Variants in PDE10A observed in about 807,000 individuals in gnomAD.
The protein encoded by PDE10A is cAMP and cAMP-inhibited cGMP 3',5'-cyclic phosphodiesterase 10A.
Under a neutral mutation model 97.7 loss-of-function variants are expected in PDE10A, and 39 were observed. That is an observed-to-expected ratio of 0.40 (90% CI 0.31 to 0.52). The LOEUF (loss-of-function observed/expected upper bound fraction) is 0.52. Ranked by LOEUF, PDE10A falls within the 20% of genes least tolerant of loss-of-function variation. PDE10A has a pLI of 0.56. For missense variants in PDE10A, 731 were observed against 1,047.8 expected (o/e 0.70, Z 4.17); for synonymous variants, 371 against 376.8 (o/e 0.98, Z 0.18).
intron 2 of PDE10A, among the ~76,000 whole-genome samples, chr6:165,493,522 G>A (rs976040670): frequency 4.6e-5 from 7 of 152,166 alleles, no homozygotes; most frequent in African/African-American, 1.7e-4. Context: ...AGAGAACCAA[G>A]AAATAAGGCG....
chr6:165,899,702 G>A (rs2500478), intron 1 of PDE10A, among the ~76,000 whole-genome samples: 116,386 of 152,148 alleles, frequency 0.76, 44,735 homozygotes, highest in East Asian at 0.97. Context: ...CCCGTGACCC[G>A]AAGCTGTGTG....
intron 18 of PDE10A, among the ~76,000 whole-genome samples, chr6:165,355,815 T>A (rs1383890536): frequency 6.6e-6 from 1 of 152,174 alleles, no homozygotes; most frequent in Non-Finnish European, 1.5e-5. Flanking sequence ...CTAAAGCAGC[T>A]GTACAAATTC....
chr6:165,808,064 C>T (rs764716048), intron 1 of PDE10A, among the ~76,000 whole-genome samples: 7 of 152,146 alleles, frequency 4.6e-5, no homozygotes, highest in South Asian at 2.1e-4. Flanking sequence ...CGAATTTCTA[C>T]GGCCTCACGT....
chr6:165,379,060 A>G (rs1470839182), intron 18 of PDE10A, 134 bp downstream of exon 18: 4 of 618,472 alleles, frequency 6.5e-6, no homozygotes, highest in African/African-American at 1.9e-5. Context: ...CAAGATGTAC[A>G]TAAAGTGAAA....
At chr6:165,702,731 C>T (rs772478610) in intron 1 of PDE10A, among the ~76,000 whole-genome samples, 4 of 152,178 alleles carry the variant, frequency 2.6e-5, no homozygotes, top group Admixed American at 6.5e-5. Flanking sequence ...GCCCATCTGT[C>T]GCCCCTCCAG....
intron 1 of PDE10A, among the ~76,000 whole-genome samples, chr6:165,973,790 T>C (rs1380707761): frequency 6.6e-6 from 1 of 152,232 alleles, no homozygotes; most frequent in African/African-American, 2.4e-5. Flanking sequence ...CATTTATGAA[T>C]ACAGTAACAT....
At chr6:165,757,302 G>C (rs1257875261) in intron 1 of PDE10A, among the ~76,000 whole-genome samples, 2 of 151,930 alleles carry the variant, frequency 1.3e-5, no homozygotes, top group Admixed American at 6.6e-5. Flanking sequence ...TGGGAGGTGT[G>C]GTACGAGCTG....
At chr6:165,839,962 T>A (rs1302080552) in intron 1 of PDE10A, among the ~76,000 whole-genome samples, 20 of 151,932 alleles carry the variant, frequency 1.3e-4, no homozygotes, top group East Asian at 5.8e-4. Context: ...CCCATCTACA[T>A]CTCTGTCTTC....
At chr6:165,406,227 G>GGT (rs1562431357) in intron 13 of PDE10A, among the ~76,000 whole-genome samples, 1 of 30,454 alleles carries the variant, frequency 3.3e-5, no homozygotes, top group African/African-American at 1.9e-4. Flanking sequence ...GAGGGAAAAG[G>GGT]ATGTGTGTGT....
At chr6:165,634,472 T>G (rs1226318865) in intron 1 of PDE10A, among the ~76,000 whole-genome samples, 1 of 152,124 alleles carries the variant, frequency 6.6e-6, no homozygotes, top group Non-Finnish European at 1.5e-5. Context: ...ACCAAATAAA[T>G]GAAGATTACT....
chr6:165,437,640 C>T (rs220815), intron 5 of PDE10A, among the ~76,000 whole-genome samples: 116,094 of 152,110 alleles, frequency 0.76, 44,693 homozygotes, highest in Middle Eastern at 0.89. Flanking sequence ...CACATTAACC[C>T]AACAGAAATG....
At chr6:165,742,471 C>G (rs1370825411) in intron 1 of PDE10A, among the ~76,000 whole-genome samples, 1 of 152,108 alleles carries the variant, frequency 6.6e-6, no homozygotes, top group Non-Finnish European at 1.5e-5. Flanking sequence ...GAGTCCCACC[C>G]AGGACATCTG....
At chr6:165,737,621 T>C (rs1313245463) in intron 1 of PDE10A, among the ~76,000 whole-genome samples, 1 of 152,128 alleles carries the variant, frequency 6.6e-6, no homozygotes, top group Admixed American at 6.5e-5. Flanking sequence ...ATGAAAACAA[T>C]CTTCATGATA....
At chr6:165,737,051 A>C (rs1298048611) in intron 1 of PDE10A, among the ~76,000 whole-genome samples, 1 of 152,236 alleles carries the variant, frequency 6.6e-6, no homozygotes, top group Non-Finnish European at 1.5e-5. Flanking sequence ...ACCTGAAACA[A>C]TAGATAAGTT....
chr6:165,622,604 G>C (rs1788198043), intron 1 of PDE10A, among the ~76,000 whole-genome samples: 1 of 152,126 alleles, frequency 6.6e-6, no homozygotes, highest in South Asian at 2.1e-4. Flanking sequence ...ATATATGTGG[G>C]TCTGTTGTTT....
At chr6:165,767,485 G>C (rs1777886485) in intron 1 of PDE10A, among the ~76,000 whole-genome samples, 1 of 152,140 alleles carries the variant, frequency 6.6e-6, no homozygotes, top group African/African-American at 2.4e-5. Flanking sequence ...CCTCCTTTCT[G>C]TCTCTATAGT....
chr6:165,410,953 T>G lies in PDE10A; in HGVS notation c.2076+2548A>C, dbSNP rs1787732299. Among the ~76,000 whole-genome samples, 3 of 36,614 alleles carry G rather than the reference T, an allele frequency of 8.2e-5. 1 individual carries two copies. Among genetic ancestry groups the G allele is most frequent in the African/African-American group, 6.5e-4 (2 of 3,094 alleles). 24.0% of individuals were successfully genotyped at this position (36,614 alleles called of 152,430 possible). On this transcript the variant is annotated intron_variant, in intron 13 of 21. Coordinates refer to ENST00000539869, the MANE Select transcript of PDE10A (RefSeq NM_001385079.1). Reference sequence around the variant, plus strand: ...AATACAAAAAAATAGCCGGGCGTGGTGGCGGTGCCTGTAGTCCCAGCTACT... The same window carrying G: ...AATACAAAAAAATAGCCGGGCGTGGGGGCGGTGCCTGTAGTCCCAGCTACT...
chr6:165,584,095 TG>T (rs961757135), intron 1 of PDE10A, among the ~76,000 whole-genome samples: 5 of 152,196 alleles, frequency 3.3e-5, no homozygotes, highest in African/African-American at 1.2e-4. Flanking sequence ...TCGGGTATTC[TG>T]GCTCCAGGCC....
chr6:165,606,713 TA>T (rs1486520152), intron 1 of PDE10A, among the ~76,000 whole-genome samples: 6 of 151,964 alleles, frequency 3.9e-5, no homozygotes, highest in African/African-American at 1.5e-4. Context: ...AGGCTTAGGG[TA>T]GGCACAAAAA....
Sources: gnomAD v4.1 joint callset for allele counts (sites outside exome capture counted in the v4.1 genomes callset) on GRCh38, gnomAD v4.1.1 for gene constraint, MANE v1.5 for transcripts, NCBI Gene and HGNC (gene_info 2026-07-23, HGNC 2026-07-21) for gene names.